The following IFNAR2 variants were observed in gnomAD, a reference collection of about 807,000 sequenced individuals.
IFNAR2 encodes the protein interferon alpha/beta receptor 2.
In IFNAR2, 30 loss-of-function variants were observed where a neutral mutation model predicts 49.4. That is an observed-to-expected ratio of 0.61 (90% CI 0.45 to 0.82). IFNAR2 has a LOEUF of 0.82. IFNAR2 is among the 40% of genes least tolerant of loss of function. IFNAR2 has a pLI of 0.00. For synonymous variants in IFNAR2, 224 were observed against 234.5 expected (o/e 0.96, Z 0.41); for missense variants, 600 against 622.7 (o/e 0.96, Z 0.39).
At chr21:33,240,542 C>A (rs1889933305) in intron 1 of IFNAR2, among the ~76,000 whole-genome samples, 1 of 152,258 alleles carries the variant, frequency 6.6e-6, no homozygotes, top group South Asian at 2.1e-4. Flanking sequence ...GAAAATGTGG[C>A]TAGGTGTGGT....
intron 1 of IFNAR2, among the ~76,000 whole-genome samples, chr21:33,232,013 T>C (rs1986099042): frequency 2.0e-5 from 3 of 152,352 alleles, no homozygotes; most frequent in African/African-American, 7.2e-5. Flanking sequence ...GTGCTAGTAT[T>C]ACAGGCTCAA....
chr21:33,247,659 A>G (rs1319977373), intron 5 of IFNAR2, among the ~76,000 whole-genome samples: 2 of 152,148 alleles, frequency 1.3e-5, no homozygotes, highest in Non-Finnish European at 2.9e-5. Flanking sequence ...AGAGGAGAAG[A>G]CTAGACCCCA....
chr21:33,259,873 G>GT (rs1282882541), intron 7 of IFNAR2, among the ~76,000 whole-genome samples: 1 of 152,128 alleles, frequency 6.6e-6, no homozygotes, highest in Non-Finnish European at 1.5e-5. Flanking sequence ...AAGACTTAGA[G>GT]TACATAATCC....
chr21:33,246,303 C>A (rs1043587413), intron 4 of IFNAR2, among the ~76,000 whole-genome samples: 2 of 152,116 alleles, frequency 1.3e-5, no homozygotes, highest in Non-Finnish European at 2.9e-5. Flanking sequence ...ATCTCCTGAC[C>A]TCGTGATCCG....
rs1315654144 is a variant in IFNAR2, at chr21:33,263,341, T to C, written c.1389T>C (p.Asp463=). The C allele has an allele frequency of 5.6e-6, 9 of 1,614,182 alleles. No individual in the cohort carries two copies. Among genetic ancestry groups the C allele is most frequent in the Non-Finnish European group, 7.6e-6 (9 of 1,180,024 alleles). ...AGATGGTTGACCCAGAGGATCCTGA[T>C]AATGTGCAATCAAACCATTTGCTGG... ...LEEMVDPEDP[D]NVQSNHLLAS... is the part of the protein sequence containing the mutation. The change falls in exon 9 of 9, where the codon GAT becomes GAC. Residue 463 remains aspartate (D), a synonymous_variant. Transcript: ENST00000342136.
At chr21:33,253,071 A>G (rs1013283784) in intron 7 of IFNAR2, among the ~76,000 whole-genome samples, 1 of 152,210 alleles carries the variant, frequency 6.6e-6, no homozygotes, top group Non-Finnish European at 1.5e-5. Flanking sequence ...TTGAAATGGA[A>G]ACGCTTTTGT....
intron 1 of IFNAR2, chr21:33,232,862 ACT>A: frequency 3.1e-6 from 1 of 327,064 alleles, no homozygotes; most frequent in Non-Finnish European, 4.4e-6. Context: ...TCGAGGTTTC[ACT>A]CTGCCATATC....
rs147789575 is a variant in IFNAR2, at chr21:33,252,671, G to A, written c.550G>A (p.Glu184Lys). ...TTGCTTATGTTTACAGCATAAACCC[G>A]AAATAAAAGGAAACATGAGTGGAAA... The part of the protein sequence containing the change: ...SEGIVKKHKP[E>K]IKGNMSGNFT... The change falls in exon 7 of 9, where the codon GAA (glutamate) becomes AAA (lysine). Residue 184 changes from glutamate to lysine, a missense_variant. Transcript: ENST00000342136. The A allele has an allele frequency of 1.7e-4, 270 of 1,612,980 alleles. No individual in the cohort carries two copies. In the Middle Eastern group the frequency reaches 2.0e-3, roughly 12 times the overall value.
intron 3 of IFNAR2, among the ~76,000 whole-genome samples, chr21:33,244,007 A>C (rs1443320554): frequency 6.6e-6 from 1 of 152,244 alleles, no homozygotes; most frequent in Non-Finnish European, 1.5e-5. Context: ...GACTGTGCCA[A>C]ATAAAAAATG....
At chr21:33,242,935 C>T (rs17860179) in intron 2 of IFNAR2, among the ~76,000 whole-genome samples, 102 of 143,210 alleles carry the variant, frequency 7.1e-4, no homozygotes, top group African/African-American at 2.6e-3. Context: ...ATTACAGGCA[C>T]CCGCCACCAT....
chr21:33,235,350 A>G (rs766662714), intron 1 of IFNAR2, among the ~76,000 whole-genome samples: 15 of 152,204 alleles, frequency 9.9e-5, no homozygotes, highest in Non-Finnish European at 5.9e-5. Flanking sequence ...CACCTCTGAC[A>G]AGAGCAGGGG....
chr21:33,230,263 G>A lies in IFNAR2; in HGVS notation c.-84+47G>A. 9.1e-7 allele frequency: 1 copy of A among 1,104,898 alleles called. No individual in the cohort carries two copies. The highest frequency in any genetic ancestry group is 1.1e-6 in the Non-Finnish European group (1 of 897,294). The allele number at this position is 1,104,898 out of a possible 1,614,324, so 68.4% of individuals were successfully genotyped here. On this transcript the variant is annotated intron_variant, in intron 1 of 8. Coordinates refer to ENST00000342136, the MANE Select transcript of IFNAR2 (RefSeq NM_001289125.3). The surrounding 1 kb of genome is among the most constrained non-coding windows in gnomAD (Gnocchi z 5.5). ...GCGGGAGCGGAGCGCGTGGCCAGCT[G>A]ACTGGAGGGAAAACGCCGCCTCCCT...
intron 1 of IFNAR2, among the ~76,000 whole-genome samples, chr21:33,236,416 C>A (rs149930562): frequency 1.3e-4 from 20 of 152,176 alleles, no homozygotes; most frequent in Non-Finnish European, 2.4e-4. Flanking sequence ...GTAGTGGCCA[C>A]GTCCAAGGGT....
chr21:33,234,586 T>G (rs1986308753), intron 1 of IFNAR2, among the ~76,000 whole-genome samples: 1 of 152,200 alleles, frequency 6.6e-6, no homozygotes, highest in African/African-American at 2.4e-5. Flanking sequence ...TGGAGGGTTG[T>G]TTGTCTGTCT....
intron 8 of IFNAR2, among the ~76,000 whole-genome samples, chr21:33,261,609 TCACGCCTGTAATCTCAGCACTTTGGG>T: frequency 6.6e-6 from 1 of 152,230 alleles, no homozygotes; most frequent in Admixed American, 6.5e-5. Flanking sequence ...GCACAGTGGC[TCACGCCTGTAATCTCAGCACTTTGGG>T]AGGCTGAGGC....
intron 5 of IFNAR2, among the ~76,000 whole-genome samples, chr21:33,247,254 C>CTT (rs59707670): frequency 4.4e-5 from 4 of 91,574 alleles, no homozygotes; most frequent in Non-Finnish European, 6.4e-5. Context: ...TTCTTTCTTT[C>CTT]TTTTTTTTTT....
Position 33,262,919 on chromosome 21 carries a change from GA to G in IFNAR2, c.968del (p.Asp323ValfsTer20). 1 of 1,614,178 alleles carries G rather than the reference GA, an allele frequency of 6.2e-7. No homozygotes were observed. Among genetic ancestry groups the G allele is most frequent in the African/African-American group, 1.3e-5 (1 of 75,034 alleles). ...GGATTATAATTATGATGATGAAAGT[GA>G]TAGCGATACTGAGGCAGCGCCCAGG... ...VWDYNYDDES[D>X]SDTEAAPRTS... On this transcript the variant is annotated frameshift_variant, in exon 9 of 9. Coordinates refer to ENST00000342136, the MANE Select transcript of IFNAR2 (RefSeq NM_001289125.3). LOFTEE classifies it high-confidence loss of function.
At position 33,230,136 on chromosome 21, in the gene IFNAR2, CGAGCGTCGGGTCCCA is replaced by C. The variant is rs1282454596; in HGVS notation, c.-159_-145del. The C allele has an allele frequency of 5.0e-6, 5 of 993,312 alleles. No homozygotes were observed. The African/African-American group carries it at 8.7e-5, about 17-fold the overall frequency. The allele number at this position is 993,312 out of a possible 1,614,324, so 61.5% of individuals were successfully genotyped here. On this transcript the variant is annotated 5_prime_UTR_variant, in exon 1 of 9. Coordinates refer to ENST00000342136, the MANE Select transcript of IFNAR2 (RefSeq NM_001289125.3). This position sits in a 1 kb window ranked among gnomAD's most constrained non-coding sequence, Gnocchi z 5.5. ...CCGCCCGCGAGGCGCATCCTGACCG[CGAGCGTCGGGTCCCA>C]GAGCCGGGCGCGGCTGGGGCCCGAG...
rs921133682 is a variant in IFNAR2, at chr21:33,230,531, G to T, written c.-84+315G>T. 2.5e-5 allele frequency: 12 copies of T among 470,876 alleles called. No homozygotes were observed. The highest frequency in any genetic ancestry group is 1.2e-4 in the Admixed American group (5 of 42,542). 29.2% of individuals were successfully genotyped at this position (470,876 alleles called of 1,614,324 possible). On this transcript the variant is annotated intron_variant, in intron 1 of 8. Coordinates refer to ENST00000342136, the MANE Select transcript of IFNAR2 (RefSeq NM_001289125.3). This position sits in a 1 kb window ranked among gnomAD's most constrained non-coding sequence, Gnocchi z 5.5. ...ACCCCACCCCACCAAGGATGCCCAG[G>T]ATACCGGGCATTTGCCACTGCAAGA...
Sources: allele counts gnomAD v4.1 joint callset (sites outside exome capture counted in the v4.1 genomes callset), GRCh38; gene constraint gnomAD v4.1.1; non-coding constraint Gnocchi (gnomAD v3.1); transcripts MANE v1.5; gene names NCBI Gene and HGNC (gene_info 2026-07-23, HGNC 2026-07-21).